BANP: variants seen among roughly 807,000 people sequenced by gnomAD.
The protein encoded by BANP is BTG3 associated nuclear protein.
In BANP, 11 loss-of-function variants were observed where a neutral mutation model predicts 68.1. The ratio of observed to expected loss-of-function variants is 0.16; its 90% CI spans 0.10 to 0.27. The LOEUF is 0.27. Among genes scored for constraint, BANP ranks in the 10% least tolerant of loss-of-function variants. The pLI, the probability that BANP is intolerant of heterozygous loss-of-function variation, is 1.00. For synonymous variants in BANP, 329 were observed against 303.2 expected (o/e 1.09, Z -0.88); for missense variants, 504 against 722.7 (o/e 0.70, Z 3.47).
At chr16:87,994,592 G>A (rs1438003096) in intron 4 of BANP, among the ~76,000 whole-genome samples, 1 of 152,138 alleles carries the variant, frequency 6.6e-6, no homozygotes, top group South Asian at 2.1e-4. Flanking sequence ...TTTTAATGCC[G>A]ATTTATTTTT....
chr16:87,975,516 T>C (rs2061867516), intron 2 of BANP, among the ~76,000 whole-genome samples: 1 of 152,014 alleles, frequency 6.6e-6, no homozygotes, highest in Admixed American at 6.5e-5. Context: ...CCATGTTGTA[T>C]GTGTAATCCC....
intron 6 of BANP, among the ~76,000 whole-genome samples, chr16:88,010,347 G>C (rs553309965): frequency 1.8e-3 from 275 of 152,334 alleles, no homozygotes; most frequent in Non-Finnish European, 3.3e-3. Context: ...TCATTTCAGT[G>C]GGGGAAGGAT....
chr16:88,047,603 C>T (rs1189408561), intron 11 of BANP, among the ~76,000 whole-genome samples: 1 of 152,112 alleles, frequency 6.6e-6, no homozygotes, highest in Non-Finnish European at 1.5e-5. Context: ...CTGAACATGT[C>T]CAGAAGGGCA....
chr16:88,020,369 A>T (rs1179950456), intron 7 of BANP, among the ~76,000 whole-genome samples: 1 of 152,220 alleles, frequency 6.6e-6, no homozygotes, highest in East Asian at 1.9e-4. Context: ...CCAGGAGCAC[A>T]CATCTGCGCA....
intron 3 of BANP, 149 bp downstream of exon 3, chr16:87,981,276 G>C (rs915013059): frequency 9.8e-5 from 65 of 660,590 alleles, no homozygotes; most frequent in Admixed American, 4.2e-4. Flanking sequence ...GCAGGGTCTC[G>C]CTCCCTCCAA....
In BANP at chr16:88,035,060, G is replaced by T. The variant is rs57644668; in HGVS notation, c.1201-263G>T. The T allele has an allele frequency of 2.2e-3, 1,034 of 461,186 alleles. 10 individuals carry two copies. Among genetic ancestry groups the T allele is most frequent in the African/African-American group, 0.019 (938 of 50,468 alleles). The allele number at this position is 461,186 out of a possible 1,614,324, so 28.6% of individuals were successfully genotyped here. A position where few individuals can be genotyped will look rare whatever the true frequency, so the allele number is the denominator to read the frequency against. On this transcript the variant is annotated intron_variant, in intron 9 of 13. Coordinates refer to ENST00000682872, the MANE Select transcript of BANP (RefSeq NM_001386991.1). The stretch of plus-strand genomic sequence containing the variant: ...GGCGGGAAAAAGCATAGCATATATG[G>T]GGTTCAGCACCATCCACAGTTTCTG...
At chr16:88,024,496 C>T (rs192254352) in intron 7 of BANP, among the ~76,000 whole-genome samples, 315 of 152,332 alleles carry the variant, frequency 2.1e-3, no homozygotes, top group Non-Finnish European at 2.9e-3. Context: ...GGATTTTTCC[C>T]GCTCCCTGTT....
At chr16:87,986,050 T>A (rs2064336323) in intron 4 of BANP, among the ~76,000 whole-genome samples, 1 of 152,182 alleles carries the variant, frequency 6.6e-6, no homozygotes, top group Admixed American at 6.5e-5. Context: ...TGAGACTGTC[T>A]CACTCACTGA....
Position 88,026,145 on chromosome 16 carries a change from G to A in BANP, c.896-1338G>A, listed in dbSNP as rs537804627. On this transcript the variant is annotated intron_variant, in intron 7 of 13. Coordinates refer to ENST00000682872, the MANE Select transcript of BANP (RefSeq NM_001386991.1). The stretch of plus-strand genomic sequence containing the variant: ...GGGCGTGCTGAGAGCTCTCCGTAGC[G>A]CAGGTGGTAGAGAACTGGGGGTCCC... 2.6e-5 allele frequency among the ~76,000 whole-genome samples: 4 copies of A among 152,342 alleles called. No homozygotes were observed. In the South Asian group the frequency reaches 6.2e-4, roughly 24 times the overall value.
chr16:87,971,541 G>A (rs546189186), intron 1 of BANP, among the ~76,000 whole-genome samples: 6 of 148,932 alleles, frequency 4.0e-5, no homozygotes, highest in South Asian at 2.1e-4. Flanking sequence ...TTTTCTTTCC[G>A]TTATAAGTCA....
At chr16:88,072,290 C>T (rs548835726) in intron 13 of BANP, 78 bp downstream of exon 13, 13 of 1,499,490 alleles carry the variant, frequency 8.7e-6, no homozygotes, top group South Asian at 1.3e-5. Flanking sequence ...CACGTGGCCC[C>T]GGGGCTTTCT....
intron 11 of BANP, among the ~76,000 whole-genome samples, chr16:88,052,626 C>T (rs773513316): frequency 2.0e-5 from 3 of 151,886 alleles, no homozygotes; most frequent in Non-Finnish European, 4.4e-5. Flanking sequence ...TCTCCATCAT[C>T]CTCACCATTA....
rs2079257647 is a variant in BANP at position 88,036,011 on chromosome 16, C to CT, written c.1272+618dup. Among the ~76,000 whole-genome samples, 1 of 152,348 alleles carries CT rather than the reference C, an allele frequency of 6.6e-6. No individual in the cohort carries two copies. The highest frequency in any genetic ancestry group is 2.4e-5 in the African/African-American group (1 of 41,582). On this transcript the variant is annotated intron_variant, in intron 10 of 13. Transcript: ENST00000682872. The surrounding 1 kb of genome is among the most constrained non-coding windows in gnomAD (Gnocchi z 4.2). ...GGAATGTGAAGGCGGCAGTGACAGT[C>CT]TGAGTTCTTGGAAAGCCGAGGCCAG...
chr16:88,042,220 C>T (rs1314367694), intron 11 of BANP, among the ~76,000 whole-genome samples: 4 of 152,208 alleles, frequency 2.6e-5, no homozygotes, highest in Admixed American at 1.3e-4. Flanking sequence ...ATCCCAAATG[C>T]GGGCAAGAAG....
At chr16:88,032,795 C>T (rs913363681) in intron 8 of BANP, among the ~76,000 whole-genome samples, 2 of 152,206 alleles carry the variant, frequency 1.3e-5, no homozygotes, top group Non-Finnish European at 2.9e-5. Flanking sequence ...TATTGCCAGC[C>T]TGAAACAGCT....
intron 11 of BANP, among the ~76,000 whole-genome samples, chr16:88,059,331 T>TTGATACCACACTGTTAC (rs2086057820): frequency 6.6e-6 from 1 of 151,996 alleles, no homozygotes; most frequent in African/African-American, 2.4e-5. Flanking sequence ...GTTCCTGGGC[T>TTGATACCACACTGTTAC]TGATACCACA....
At position 88,065,347 on chromosome 16, in the gene BANP, C is replaced by A. The variant is rs768412845; in HGVS notation, c.1377+15C>A. On this transcript the variant is annotated intron_variant, in intron 12 of 13. Transcript: ENST00000682872. The stretch of plus-strand genomic sequence containing the variant: ...GCAGTGGCCAGGTGAGTCCTTTGTA[C>A]ATCCCATCTCTCCCACCCTCTGTGG... 1.3e-6 allele frequency: 1 copy of A among 766,652 alleles called. No individual in the cohort carries two copies. The highest frequency in any genetic ancestry group is 1.3e-5 in the South Asian group (1 of 74,130). The allele number at this position is 766,652 out of a possible 1,614,324, so 47.5% of individuals were successfully genotyped here. A position where few individuals can be genotyped will look rare whatever the true frequency, so the allele number is the denominator to read the frequency against.
intron 1 of BANP, among the ~76,000 whole-genome samples, chr16:87,951,802 C>T (rs972827155): frequency 2.6e-5 from 4 of 152,130 alleles, no homozygotes; most frequent in African/African-American, 9.6e-5. Context: ...CCGGGGGCCT[C>T]GCGCTCCCGA....
At position 87,996,636 on chromosome 16, in the gene BANP, G is replaced by T. The variant is rs1255572405; in HGVS notation, c.363-7659G>T. ...TGGTTCTGAGTGTTGCTGGGCCCTC[G>T]TCCTGGGCGCCAGCTGGGCTCTGGT... On this transcript the variant is annotated intron_variant, in intron 4 of 13. Transcript: ENST00000682872. Among the ~76,000 whole-genome samples the T allele has an allele frequency of 5.3e-5, 8 of 149,636 alleles. No individual in the cohort carries two copies. The East Asian group carries it at 1.4e-3, about 26-fold the overall frequency.
Sources: allele counts gnomAD v4.1 joint callset (sites outside exome capture counted in the v4.1 genomes callset), GRCh38; gene constraint gnomAD v4.1.1; non-coding constraint Gnocchi (gnomAD v3.1); transcripts MANE v1.5; gene names NCBI Gene and HGNC (gene_info 2026-07-23, HGNC 2026-07-21).